Variants in TTC7B observed in about 807,000 individuals in gnomAD.
TTC7B encodes the protein tetratricopeptide repeat protein 7B.
TTC7B carries 28 observed loss-of-function variants against 106.8 expected under a neutral mutation model. That is an observed-to-expected ratio of 0.26 (90% CI 0.19 to 0.36). The LOEUF (loss-of-function observed/expected upper bound fraction) is 0.36. TTC7B is among the 10% of genes least tolerant of loss of function. The probability of loss-of-function intolerance (pLI) is 1.00; values close to 1 mark genes in which losing one functional copy is unlikely to be tolerated. For missense variants in TTC7B, 862 were observed against 1,076.4 expected, an observed-to-expected ratio of 0.80 and a Z score of 2.79; for synonymous variants, 405 against 430.6, an observed-to-expected ratio of 0.94 and a Z score of 0.74.
intron 3 of TTC7B, among the ~76,000 whole-genome samples, chr14:90,773,973 GA>G (rs1890945048): frequency 6.6e-6 from 1 of 151,914 alleles, no homozygotes; most frequent in Non-Finnish European, 1.5e-5. Context: ...CCACCTCAAA[GA>G]AAAAAATAAA....
intron 5 of TTC7B, among the ~76,000 whole-genome samples, chr14:90,719,730 T>C (rs1264265167): frequency 6.6e-6 from 1 of 152,210 alleles, no homozygotes; most frequent in Non-Finnish European, 1.5e-5. Flanking sequence ...CCTATATCTA[T>C]CTAAGTAGAT....
chr14:90,711,741 C>G (rs1742088), intron 5 of TTC7B, among the ~76,000 whole-genome samples: 1 of 151,690 alleles, frequency 6.6e-6, no homozygotes, highest in African/African-American at 2.4e-5. Flanking sequence ...AAATTTTTTC[C>G]AAAAAAATGC....
intron 19 of TTC7B, among the ~76,000 whole-genome samples, chr14:90,550,491 C>T (rs1215546501): frequency 6.6e-6 from 1 of 152,198 alleles, no homozygotes. Flanking sequence ...CCCTGTTCCA[C>T]CCTCCCCTCT....
At chr14:90,607,272 G>A (rs772248300) in intron 17 of TTC7B, among the ~76,000 whole-genome samples, 3 of 152,238 alleles carry the variant, frequency 2.0e-5, no homozygotes, top group Non-Finnish European at 4.4e-5. Flanking sequence ...GTGATCCTGG[G>A]CCTGTGCCCC....
intron 15 of TTC7B, among the ~76,000 whole-genome samples, chr14:90,639,246 T>A (rs933827767): frequency 6.6e-6 from 1 of 152,112 alleles, no homozygotes; most frequent in Non-Finnish European, 1.5e-5. Context: ...TCAAAAGACA[T>A]CATGAAGAGA....
chr14:90,744,004 G>A (rs924237089), intron 4 of TTC7B, among the ~76,000 whole-genome samples: 1 of 152,220 alleles, frequency 6.6e-6, no homozygotes, highest in African/African-American at 2.4e-5. Context: ...CACAGGCGAA[G>A]CACTGAAGGC....
rs2139757020 is a variant in TTC7B, at chr14:90,537,858, A to G, written c.*3510T>C. 6.6e-6 allele frequency: 1 copy of G among 152,338 alleles called. No individual in the cohort carries two copies. Among genetic ancestry groups the G allele is most frequent in the South Asian group, 2.1e-4 (1 of 4,824 alleles). 9.4% of individuals were successfully genotyped at this position (152,338 alleles called of 1,614,324 possible). ...CTACCAGAAGGTAGGTCCTAAGTGG[A>G]TGCAGCATCTGTGTCACACATTGCT... On this transcript the variant is annotated 3_prime_UTR_variant, in exon 20 of 20. Coordinates refer to ENST00000328459, the MANE Select transcript of TTC7B (RefSeq NM_001010854.2).
rs563948257 is a variant in TTC7B at position 90,525,529 on chromosome 14, C to T, written c.*15839G>A. The T allele has an allele frequency of 2.6e-5, 4 of 151,510 alleles. No homozygotes were observed. The South Asian group carries it at 8.4e-4, about 32-fold the overall frequency. The allele number at this position is 151,510 out of a possible 1,614,324, so 9.4% of individuals were successfully genotyped here. A position where few individuals can be genotyped will look rare whatever the true frequency, so the allele number is the denominator to read the frequency against. The stretch of plus-strand genomic sequence containing the variant: ...GCTCGGTAGCCTGATCAGTCGCGTT[C>T]CCGGCTGCGTCTCCGGTCACCGAAC... On this transcript the variant is annotated 3_prime_UTR_variant, in exon 20 of 20. Coordinates refer to ENST00000328459, the MANE Select transcript of TTC7B (RefSeq NM_001010854.2).
intron 19 of TTC7B, among the ~76,000 whole-genome samples, chr14:90,571,356 C>T (rs916404847): frequency 1.3e-5 from 2 of 152,126 alleles, no homozygotes; most frequent in African/African-American, 4.8e-5. Context: ...GTAGGAGGCA[C>T]TACTTTGTCC....
At chr14:90,623,821 G>A (rs1884317500) in intron 15 of TTC7B, among the ~76,000 whole-genome samples, 1 of 152,160 alleles carries the variant, frequency 6.6e-6, no homozygotes. Context: ...AGGTGTTTGA[G>A]ACCATCCTGA....
chr14:90,719,404 A>G (rs916098345), intron 5 of TTC7B, among the ~76,000 whole-genome samples: 1 of 152,230 alleles, frequency 6.6e-6, no homozygotes, highest in Non-Finnish European at 1.5e-5. Context: ...ATGGCCCCTG[A>G]TTGATAACTT....
At chr14:90,595,713 A>C (rs1226625383) in intron 17 of TTC7B, among the ~76,000 whole-genome samples, 1 of 152,168 alleles carries the variant, frequency 6.6e-6, no homozygotes, top group Non-Finnish European at 1.5e-5. Flanking sequence ...TCACATCAAA[A>C]TCATTCGGGA....
chr14:90,596,206 A>T (rs977595572), intron 17 of TTC7B, among the ~76,000 whole-genome samples: 1 of 152,198 alleles, frequency 6.6e-6, no homozygotes, highest in Non-Finnish European at 1.5e-5. Context: ...CTCTGGAAAC[A>T]TTCCACACAT....
rs1046571538 is a variant in TTC7B, at chr14:90,803,193, C to A, written c.121+12982G>T. Among the ~76,000 whole-genome samples, 6 of 151,904 alleles carry A rather than the reference C, an allele frequency of 3.9e-5. No homozygotes were observed. In the South Asian group the frequency reaches 1.3e-3, roughly 32 times the overall value. On this transcript the variant is annotated intron_variant, in intron 1 of 19. Coordinates refer to ENST00000328459, the MANE Select transcript of TTC7B (RefSeq NM_001010854.2). ...ACCCCATGTAAGCCATACCAGGTCACCCCTCCCCTCTAAACCCTCCAGTGG... is the reference window on the plus strand; with the variant it reads ...ACCCCATGTAAGCCATACCAGGTCAACCCTCCCCTCTAAACCCTCCAGTGG...
chr14:90,599,795 T>C, intron 17 of TTC7B, among the ~76,000 whole-genome samples: 1 of 152,256 alleles, frequency 6.6e-6, no homozygotes, highest in Non-Finnish European at 1.5e-5. Context: ...TTCCAAATTC[T>C]CTGTCAACTT....
chr14:90,706,661 C>T (rs779659252), intron 5 of TTC7B, among the ~76,000 whole-genome samples: 6 of 152,100 alleles, frequency 3.9e-5, no homozygotes, highest in African/African-American at 7.2e-5. Context: ...ATATTTGACC[C>T]GAGTCCTTTT....
rs1271253612 is a variant in TTC7B at position 90,525,993 on chromosome 14, AAAG to A, written c.*15372_*15374del. ...AAAAAATAAAAAAAATAAAAAAAAA[AAAG>A]AAGTCTTTGTATTTTATATTTGTAC... On this transcript the variant is annotated 3_prime_UTR_variant, in exon 20 of 20. Coordinates refer to ENST00000328459, the MANE Select transcript of TTC7B (RefSeq NM_001010854.2). The A allele has an allele frequency of 1.4e-5, 2 of 143,384 alleles. No homozygotes were observed. The highest frequency in any genetic ancestry group is 2.5e-5 in the African/African-American group (1 of 39,364). 8.9% of individuals were successfully genotyped at this position (143,384 alleles called of 1,614,324 possible).
intron 15 of TTC7B, among the ~76,000 whole-genome samples, chr14:90,620,660 C>A (rs1490022932): frequency 1.3e-5 from 2 of 152,172 alleles, no homozygotes; most frequent in Non-Finnish European, 2.9e-5. Flanking sequence ...TCCAATGGCG[C>A]CTGCCCCCAG....
At chr14:90,762,645 C>T (rs558324993) in intron 3 of TTC7B, among the ~76,000 whole-genome samples, 1 of 152,180 alleles carries the variant, frequency 6.6e-6, no homozygotes, top group African/African-American at 2.4e-5. Flanking sequence ...TTGACTATGA[C>T]ATGTATCGGG....
Sources: gnomAD v4.1 joint callset for allele counts (sites outside exome capture counted in the v4.1 genomes callset) on GRCh38, gnomAD v4.1.1 for gene constraint, MANE v1.5 for transcripts, NCBI Gene and HGNC (gene_info 2026-07-23, HGNC 2026-07-21) for gene names.